The following ACSS1 variants were observed in gnomAD, a reference collection of about 807,000 sequenced individuals.
ACSS1 encodes the protein acyl-CoA synthetase short chain family member 1, also known as acetyl-coenzyme A synthetase 2-like, mitochondrial.
A neutral mutation model predicts 75.3 loss-of-function variants in ACSS1; 42 were observed. The ratio of observed to expected loss-of-function variants is 0.56; its 90% CI spans 0.44 to 0.72. The LOEUF (loss-of-function observed/expected upper bound fraction) is 0.72, where lower values mean the gene tolerates loss of function less well. ACSS1 is among the 30% of genes least tolerant of loss of function. The pLI, the probability that ACSS1 is intolerant of heterozygous loss-of-function variation, is 0.00. For missense variants in ACSS1, 782 were observed against 935.7 expected, an observed-to-expected ratio of 0.84 and a Z score of 2.14; for synonymous variants, 380 against 376.8, an observed-to-expected ratio of 1.01 and a Z score of -0.10.
intron 7 of ACSS1, among the ~76,000 whole-genome samples, chr20:25,017,846 C>T: frequency 6.6e-6 from 1 of 152,250 alleles, no homozygotes; most frequent in East Asian, 1.9e-4. Context: ...ATCTGGAAAA[C>T]CAAATCTTGC....
chr20:25,050,712 C>G (rs1270541659), intron 1 of ACSS1, among the ~76,000 whole-genome samples: 1 of 152,054 alleles, frequency 6.6e-6, no homozygotes, highest in Non-Finnish European at 1.5e-5. Context: ...CCCACAGCAG[C>G]CAGGGCACCA....
rs373499907 is a variant in ACSS1 at position 25,007,956 on chromosome 20, G to A, written c.1891-15C>T. 6.8e-6 allele frequency: 11 copies of A among 1,613,270 alleles called. No homozygotes were observed. The highest frequency in any genetic ancestry group is 1.7e-5 in the Admixed American group (1 of 59,970). On this transcript the variant is annotated splice_polypyrimidine_tract_variant and intron_variant, in intron 13 of 13. Transcript: ENST00000323482. ...CGTTTCACCACCTGGCAAGGAACAG[G>A]CACAGTGTTAGAGCGTGGATGGTGC... is the stretch of plus-strand genomic sequence containing the variant.
chr20:25,009,329 C>T lies in ACSS1; in HGVS notation c.1831G>A (p.Glu611Lys), dbSNP rs763073440. 6.2e-6 allele frequency: 10 copies of T among 1,614,088 alleles called. No individual in the cohort carries two copies. The highest frequency in any genetic ancestry group is 8.5e-6 in the Non-Finnish European group (10 of 1,180,046). The part of the protein sequence containing the change: ...SAGDSDVVVQ[E>K]LKSMVATKIA... ...TTGGTGGCCACCATGGACTTGAGCT[C>T]CTGCACCACCACATCTGAGTCACCC... Residue 611 changes from glutamate (E) to lysine (K), a missense_variant, in exon 13 of 14, where the codon GAG (glutamate) becomes AAG (lysine). Physicochemically the swap from Glu to Lys is moderately conservative, Grantham distance 56. This residue lies in a region of ACSS1 where 405 missense variants were observed against 552.6 expected (regional missense o/e 0.73). Coordinates refer to ENST00000323482, the MANE Select transcript of ACSS1 (RefSeq NM_032501.4).
chr20:25,039,142 C>G (rs1277135845), intron 2 of ACSS1, among the ~76,000 whole-genome samples: 1 of 152,208 alleles, frequency 6.6e-6, no homozygotes, highest in Non-Finnish European at 1.5e-5. Flanking sequence ...TTAACCCTCA[C>G]AACAGCCCAT....
chr20:25,014,612 T>C (rs575663823), intron 8 of ACSS1, among the ~76,000 whole-genome samples: 13 of 152,284 alleles, frequency 8.5e-5, no homozygotes, highest in Non-Finnish European at 8.8e-5. Flanking sequence ...ATTACATCTA[T>C]GGTGGTCTCT....
At chr20:25,029,739 AG>A (rs1568839144) in intron 3 of ACSS1, among the ~76,000 whole-genome samples, 1 of 152,258 alleles carries the variant, frequency 6.6e-6, no homozygotes, top group Non-Finnish European at 1.5e-5. Context: ...GAAAAACTTC[AG>A]GTACTAGATA....
At chr20:25,031,205 C>A in intron 2 of ACSS1, 1 of 574,802 alleles carries the variant, frequency 1.7e-6, no homozygotes, top group Non-Finnish European at 3.1e-6. Context: ...ATCCTTAAGT[C>A]CGCTTACGGC....
At position 25,007,888 on chromosome 20, in the gene ACSS1, C is replaced by T. The variant is rs141382500; in HGVS notation, c.1944G>A (p.Leu648=). 1.9e-4 allele frequency: 309 copies of T among 1,614,118 alleles called. No homozygotes were observed. The highest frequency in any genetic ancestry group is 2.5e-4 in the Non-Finnish European group (290 of 1,180,050). Residue 648 remains leucine (L), a synonymous_variant, in exon 14 of 14, where the codon CTG becomes CTA. Coordinates refer to ENST00000323482, the MANE Select transcript of ACSS1 (RefSeq NM_032501.4). Reference sequence around the variant, plus strand: ...GGGCCTCACTAGTGATGATCTTCCTCAGGAGCCGCCGCATGACCTTCCCAG... The same window carrying T: ...GGGCCTCACTAGTGATGATCTTCCTTAGGAGCCGCCGCATGACCTTCCCAG... ...TRSGKVMRRL[L]RKIITSEAQE... is the part of the protein sequence containing the mutation.
chr20:25,042,462 G>T (rs980903303), intron 2 of ACSS1, among the ~76,000 whole-genome samples: 23 of 152,178 alleles, frequency 1.5e-4, no homozygotes, highest in Admixed American at 4.6e-4. Flanking sequence ...CACCATGGGA[G>T]CCCCACAGAC....
chr20:25,022,360 AAAAAC>A (rs3086647), intron 5 of ACSS1, among the ~76,000 whole-genome samples: 16,736 of 151,646 alleles, frequency 0.11, 1,053 homozygotes, highest in African/African-American at 0.15. Flanking sequence ...GACTCCATGA[AAAAAC>A]AAAACAAAAC....
At chr20:25,018,844 C>T (rs2088565515) in intron 7 of ACSS1, among the ~76,000 whole-genome samples, 2 of 152,186 alleles carry the variant, frequency 1.3e-5, no homozygotes, top group Admixed American at 6.5e-5. Flanking sequence ...GCCTGCTATT[C>T]CTCAGGAGCT....
intron 3 of ACSS1, among the ~76,000 whole-genome samples, chr20:25,029,802 C>T (rs2088790371): frequency 6.6e-6 from 1 of 152,012 alleles, no homozygotes; most frequent in African/African-American, 2.4e-5. Context: ...CTGAATTGTA[C>T]ACTTTAAGAT....
intron 2 of ACSS1, among the ~76,000 whole-genome samples, chr20:25,035,869 C>T (rs2122706682): frequency 6.6e-6 from 1 of 152,278 alleles, no homozygotes; most frequent in South Asian, 2.1e-4. Flanking sequence ...ACTCAGGAAC[C>T]ATTTGAAAGC....
rs558434229 is a variant in ACSS1, at chr20:25,041,914, G to A, written c.431+6171C>T. Among the ~76,000 whole-genome samples the A allele has an allele frequency of 1.6e-4, 24 of 152,302 alleles. No individual in the cohort carries two copies. In the South Asian group the frequency reaches 4.6e-3, roughly 29 times the overall value. On this transcript the variant is annotated intron_variant, in intron 2 of 13. Coordinates refer to ENST00000323482, the MANE Select transcript of ACSS1 (RefSeq NM_032501.4). ...GAGGGTTTGGTCACCTGCATGAGGA[G>A]GAAGGACGCCAGACTCCATTCGAGT...
chr20:25,020,212 T>A (rs1229412892), intron 6 of ACSS1, 65 bp from the exon 7 acceptor site: 10 of 1,604,758 alleles, frequency 6.2e-6, no homozygotes, highest in Non-Finnish European at 8.5e-6. Context: ...AACTCAGAGA[T>A]CAGCCAAGAC....
intron 6 of ACSS1, 106 bp downstream of exon 6, chr20:25,021,283 C>T: frequency 7.0e-7 from 1 of 1,434,432 alleles, no homozygotes; most frequent in Non-Finnish European, 9.3e-7. Flanking sequence ...ACACCCTCAC[C>T]AGAACCCAGG....
At chr20:25,008,022 G>T (rs868638679) in intron 13 of ACSS1, 81 bp from the exon 14 acceptor site, 4 of 1,507,112 alleles carry the variant, frequency 2.7e-6, no homozygotes, top group African/African-American at 2.8e-5. Flanking sequence ...AGATCAGAAG[G>T]GCTCTGCTCA....
intron 1 of ACSS1, among the ~76,000 whole-genome samples, chr20:25,051,054 C>T (rs531785283): frequency 3.9e-5 from 6 of 152,356 alleles, no homozygotes; most frequent in Non-Finnish European, 7.3e-5. Context: ...CTGCCTCTCC[C>T]TGCTGACCGG....
At chr20:25,029,616 T>A (rs1424298678) in intron 3 of ACSS1, among the ~76,000 whole-genome samples, 1 of 152,138 alleles carries the variant, frequency 6.6e-6, no homozygotes, top group African/African-American at 2.4e-5. Context: ...CAAATGGCCA[T>A]CAATGAATGC....
Sources: gnomAD v4.1 joint callset for allele counts (sites outside exome capture counted in the v4.1 genomes callset) on GRCh38, gnomAD v4.1.1 for gene constraint, gnomAD v4.1.1 regional missense constraint, MANE v1.5 for transcripts, NCBI Gene and HGNC (gene_info 2026-07-23, HGNC 2026-07-21) for gene names.